PPP2R2B: variants seen among roughly 807,000 people sequenced by gnomAD.
PPP2R2B encodes the protein protein phosphatase 2 regulatory subunit Bbeta, also known as serine/threonine-protein phosphatase 2A 55 kDa regulatory subunit B beta isoform.
A neutral mutation model predicts 46.0 loss-of-function variants in PPP2R2B; 5 were observed. The ratio of observed to expected loss-of-function variants is 0.11; its 90% CI spans 0.06 to 0.23. The LOEUF (loss-of-function observed/expected upper bound fraction) is 0.23. Among genes scored for constraint, PPP2R2B ranks in the 10% least tolerant of loss-of-function variants. The pLI is 1.00. For synonymous variants in PPP2R2B, 215 were observed against 206.7 expected (o/e 1.04, Z -0.34); for missense variants, 367 against 575.0 (o/e 0.64, Z 3.70).
At chr5:146,689,825 TG>T (rs1283317557) in intron 5 of PPP2R2B, among the ~76,000 whole-genome samples, 1 of 152,212 alleles carries the variant, frequency 6.6e-6, no homozygotes, top group Non-Finnish European at 1.5e-5. Flanking sequence ...TCTCCAGAGC[TG>T]AAAGCATAGG....
At chr5:146,917,109 G>A (rs1015965330) in intron 1 of PPP2R2B, among the ~76,000 whole-genome samples, 1 of 152,148 alleles carries the variant, frequency 6.6e-6, no homozygotes, top group Admixed American at 6.5e-5. Flanking sequence ...TGAAAAGGTG[G>A]CTGGGCAGAA....
At chr5:147,018,168 G>T (rs1755101889) in intron 1 of PPP2R2B, among the ~76,000 whole-genome samples, 1 of 151,922 alleles carries the variant, frequency 6.6e-6, no homozygotes, top group African/African-American at 2.4e-5. Flanking sequence ...CAGAAAACTT[G>T]TCAAATATAT....
At chr5:146,902,108 C>T (rs615492) in intron 1 of PPP2R2B, among the ~76,000 whole-genome samples, 3,257 of 152,254 alleles carry the variant, frequency 0.021, 114 homozygotes, top group African/African-American at 0.074. Context: ...TCACCATGTG[C>T]ACACTCCACT....
At chr5:146,777,655 A>T (rs1203678571) in intron 2 of PPP2R2B, among the ~76,000 whole-genome samples, 3 of 152,216 alleles carry the variant, frequency 2.0e-5, no homozygotes, top group Non-Finnish European at 4.4e-5. Flanking sequence ...AAGGTAAATT[A>T]AGAAGTCTAT....
intron 1 of PPP2R2B, among the ~76,000 whole-genome samples, chr5:146,893,631 C>A (rs319181): frequency 6.6e-6 from 1 of 151,708 alleles, no homozygotes; most frequent in South Asian, 2.1e-4. Context: ...CTGGCCAATA[C>A]GGTGAAAACC....
intron 5 of PPP2R2B, among the ~76,000 whole-genome samples, chr5:146,666,672 A>G (rs1311774294): frequency 6.6e-6 from 1 of 152,206 alleles, no homozygotes; most frequent in Non-Finnish European, 1.5e-5. Flanking sequence ...CATAGATTAT[A>G]CCAAGACTCA....
At chr5:146,690,289 C>T (rs1287205518) in intron 5 of PPP2R2B, among the ~76,000 whole-genome samples, 1 of 152,188 alleles carries the variant, frequency 6.6e-6, no homozygotes, top group Admixed American at 6.5e-5. Context: ...TACCTTACAT[C>T]TAGAGACCCT....
At position 146,646,664 on chromosome 5, in the gene PPP2R2B, C is replaced by T. The variant is rs79510835; in HGVS notation, c.625+3883G>A. Among the ~76,000 whole-genome samples, 1,022 of 152,284 alleles carry T rather than the reference C, an allele frequency of 6.7e-3. 12 individuals carry two copies. Among genetic ancestry groups the T allele is most frequent in the African/African-American group, 0.023 (971 of 41,544 alleles). On this transcript the variant is annotated intron_variant, in intron 6 of 9. Coordinates refer to ENST00000394411, the MANE Select transcript of PPP2R2B (RefSeq NM_181675.4). ...GCAGCATCTTGCAAAGGACACCCAA[C>T]TGCAGAACCAAAGGAAGAGTCTAGA...
At chr5:146,636,499 C>T (rs1482622651) in intron 7 of PPP2R2B, among the ~76,000 whole-genome samples, 1 of 152,212 alleles carries the variant, frequency 6.6e-6, no homozygotes, top group Non-Finnish European at 1.5e-5. Flanking sequence ...TCGCTGGTCT[C>T]TGCCAGGCAT....
chr5:146,628,365 GC>G (rs1451660983), intron 7 of PPP2R2B, among the ~76,000 whole-genome samples: 1 of 152,186 alleles, frequency 6.6e-6, no homozygotes, highest in African/African-American at 2.4e-5. Context: ...GATTTCTGTG[GC>G]CAATCCTTGG....
At chr5:146,894,860 C>T (rs1240681597) in intron 1 of PPP2R2B, among the ~76,000 whole-genome samples, 4 of 152,182 alleles carry the variant, frequency 2.6e-5, no homozygotes, top group Non-Finnish European at 5.9e-5. Context: ...TCCTCTAGGG[C>T]GCATAGCATC....
At chr5:146,868,716 C>G (rs939987402) in intron 2 of PPP2R2B, among the ~76,000 whole-genome samples, 1 of 152,116 alleles carries the variant, frequency 6.6e-6, no homozygotes, top group South Asian at 2.1e-4. Context: ...GAAATTGGAC[C>G]CTTGTATTGA....
At chr5:146,728,497 C>T (rs937629958) in intron 2 of PPP2R2B, among the ~76,000 whole-genome samples, 23 of 152,150 alleles carry the variant, frequency 1.5e-4, no homozygotes, top group Non-Finnish European at 3.4e-4. Context: ...GGGACTGCTG[C>T]ACTCCACATC....
At chr5:146,906,834 C>G (rs1763016058) in intron 1 of PPP2R2B, among the ~76,000 whole-genome samples, 1 of 152,174 alleles carries the variant, frequency 6.6e-6, no homozygotes, top group South Asian at 2.1e-4. Flanking sequence ...ACTGTATGCC[C>G]TTGTCAAAAC....
intron 1 of PPP2R2B, among the ~76,000 whole-genome samples, chr5:146,908,549 G>T (rs1349377556): frequency 1.3e-5 from 2 of 149,924 alleles, no homozygotes; most frequent in Admixed American, 6.6e-5. Context: ...TTGGCATAGG[G>T]GTGTGTTAAA....
rs367891860 is a variant in PPP2R2B at position 146,589,622 on chromosome 5, C to T, written c.*325G>A. ...AATACTACAGACAACCTCATTTTATCGCAGCAGACACCTAGGAACAAAACA... is the reference window on the plus strand; with the variant it reads ...AATACTACAGACAACCTCATTTTATTGCAGCAGACACCTAGGAACAAAACA... On this transcript the variant is annotated 3_prime_UTR_variant, in exon 10 of 10. Coordinates refer to ENST00000394411, the MANE Select transcript of PPP2R2B (RefSeq NM_181675.4). The T allele has an allele frequency of 2.6e-5, 6 of 233,374 alleles. No homozygotes were observed. Among genetic ancestry groups the T allele is most frequent in the African/African-American group, 4.5e-5 (2 of 44,300 alleles). 14.5% of individuals were successfully genotyped at this position (233,374 alleles called of 1,614,324 possible). A position where few individuals can be genotyped will look rare whatever the true frequency, so the allele number is the denominator to read the frequency against.
intron 1 of PPP2R2B, among the ~76,000 whole-genome samples, chr5:146,956,664 T>A (rs1239466641): frequency 6.6e-6 from 1 of 152,208 alleles, no homozygotes; most frequent in African/African-American, 2.4e-5. Context: ...TATGTATATA[T>A]CTGTCTTAGC....
At chr5:146,843,179 C>T (rs1317140308) in intron 2 of PPP2R2B, among the ~76,000 whole-genome samples, 1 of 152,246 alleles carries the variant, frequency 6.6e-6, no homozygotes, top group Admixed American at 6.5e-5. Context: ...GAGGGCGAAA[C>T]TCTGCCTCAA....
intron 5 of PPP2R2B, among the ~76,000 whole-genome samples, chr5:146,659,155 G>T (rs1345789742): frequency 6.6e-6 from 1 of 152,176 alleles, no homozygotes; most frequent in East Asian, 1.9e-4. Context: ...TATTCTTTTA[G>T]TGGGTATTGG....
Sources: allele counts gnomAD v4.1 joint callset (sites outside exome capture counted in the v4.1 genomes callset), GRCh38; gene constraint gnomAD v4.1.1; transcripts MANE v1.5; gene names NCBI Gene and HGNC (gene_info 2026-07-23, HGNC 2026-07-21).